Variants in MDH2 observed in about 807,000 individuals in gnomAD.
MDH2 encodes the protein malate dehydrogenase, mitochondrial.
A neutral mutation model predicts 33.6 loss-of-function variants in MDH2; 25 were observed. The ratio of observed to expected loss-of-function variants is 0.74; its 90% CI spans 0.54 to 1.04. The LOEUF (loss-of-function observed/expected upper bound fraction) is 1.04. Among genes scored for constraint, MDH2 ranks in the 50% least tolerant of loss-of-function variants. MDH2 has a pLI of 0.00. For missense variants in MDH2, 432 were observed against 445.0 expected, an observed-to-expected ratio of 0.97 and a Z score of 0.26; for synonymous variants, 193 against 188.7, an observed-to-expected ratio of 1.02 and a Z score of -0.19.
intron 1 of MDH2, among the ~76,000 whole-genome samples, chr7:76,051,791 A>G (rs782180748): frequency 6.6e-6 from 1 of 152,228 alleles, no homozygotes; most frequent in African/African-American, 2.4e-5. Context: ...CAGTGTTAAC[A>G]TATGTCGGTT....
At chr7:76,055,504 G>A (rs1392686511) in intron 2 of MDH2, among the ~76,000 whole-genome samples, 7 of 152,132 alleles carry the variant, frequency 4.6e-5, no homozygotes, top group South Asian at 2.1e-4. Flanking sequence ...GGGAGGCCAA[G>A]TCAGGAGGAT....
chr7:76,055,604 G>C lies in MDH2; in HGVS notation c.235+606G>C, dbSNP rs556997073. ...GTCCAAAAATTAGCTGGGCGTGATA[G>C]TGCACACCTGTGGTCCCAGCTACTT... On this transcript the variant is annotated intron_variant, in intron 2 of 8. Transcript: ENST00000315758. 5.3e-5 allele frequency among the ~76,000 whole-genome samples: 8 copies of C among 151,680 alleles called. No individual in the cohort carries two copies. In the East Asian group the frequency reaches 1.6e-3, roughly 30 times the overall value.
At chr7:76,054,587 G>A (rs1797715407) in intron 1 of MDH2, 2 of 494,640 alleles carry the variant, frequency 4.0e-6, no homozygotes, top group Non-Finnish European at 7.1e-6. Flanking sequence ...TCATCTTTCA[G>A]GAGGGTTTTG....
At position 76,048,200 on chromosome 7, in the gene MDH2, C is replaced by T; in HGVS notation, c.40C>T (p.Arg14Cys). ...ALARPASAAL[R>C]RSFSTSAQNN... ...CGCCCGGCCTGCCAGCGCTGCTCTC[C>T]GCCGCAGCTTCAGCACCTCGGCCCA... The change falls in exon 1 of 9, where the codon CGC becomes TGC. Residue 14 changes from arginine to cysteine, a missense_variant. By Grantham distance (180) the Arg-to-Cys change is radical (BLOSUM62 -3). Transcript: ENST00000315758. The T allele has an allele frequency of 6.5e-7, 1 of 1,536,426 alleles. No individual in the cohort carries two copies. The highest frequency in any genetic ancestry group is 8.7e-7 in the Non-Finnish European group (1 of 1,146,880).
intron 1 of MDH2, chr7:76,048,538 C>T: frequency 1.5e-6 from 2 of 1,318,022 alleles, no homozygotes; most frequent in Non-Finnish European, 1.9e-6. Flanking sequence ...GAAACCAGGG[C>T]TCTGCATCTG....
Position 76,049,697 on chromosome 7 carries a change from C to T in MDH2, c.66+1471C>T, listed in dbSNP as rs782618486. On this transcript the variant is annotated intron_variant, in intron 1 of 8. Coordinates refer to ENST00000315758, the MANE Select transcript of MDH2 (RefSeq NM_005918.4). ...TGGAAATACAGCGGTGAACAAAACA[C>T]AGAAGTCCCTGCTCTCACGGAAATT... is the stretch of plus-strand genomic sequence containing the variant. 7.2e-5 allele frequency among the ~76,000 whole-genome samples: 11 copies of T among 152,124 alleles called. No individual in the cohort carries two copies. The East Asian group carries it at 9.6e-4, about 13-fold the overall frequency.
At chr7:76,049,827 G>A (rs1797555095) in intron 1 of MDH2, among the ~76,000 whole-genome samples, 1 of 152,074 alleles carries the variant, frequency 6.6e-6, no homozygotes, top group African/African-American at 2.4e-5. Context: ...AGGGAAGAGG[G>A]TACCAATTTT....
At chr7:76,064,678 G>A in intron 7 of MDH2, 124 bp from the exon 8 acceptor site, 1 of 1,129,810 alleles carries the variant, frequency 8.9e-7, no homozygotes, top group East Asian at 2.6e-5. Flanking sequence ...AAGAAATCGG[G>A]GTGCTGACTG....
At chr7:76,049,636 C>T (rs1442901398) in intron 1 of MDH2, among the ~76,000 whole-genome samples, 1 of 151,888 alleles carries the variant, frequency 6.6e-6, no homozygotes, top group African/African-American at 2.4e-5. Context: ...TTTGGTAGGA[C>T]CTTCAGATAT....
rs374797940 is a variant in MDH2 at position 76,064,927 on chromosome 7, T to C, written c.859T>C (p.Tyr287His). ...FVKSQETECT[Y>H]FSTPLLLGKK... ...TAAGTCACAGGAAACGGAATGTACC[T>C]ACTTCTCCACACCGCTGCTGCTTGG... The change falls in exon 8 of 9, where the codon TAC (tyrosine) becomes CAC (histidine). Residue 287 changes from tyrosine (Y) to histidine (H), a missense_variant. Physicochemically the swap from Tyr to His is moderately conservative, Grantham distance 83. Transcript: ENST00000315758. 22 of 1,614,072 alleles carry C rather than the reference T, an allele frequency of 1.4e-5. No individual in the cohort carries two copies. Among genetic ancestry groups the C allele is most frequent in the Middle Eastern group, 1.6e-4 (1 of 6,084 alleles).
At chr7:76,051,318 A>ATTT (rs11342333) in intron 1 of MDH2, among the ~76,000 whole-genome samples, 1 of 129,810 alleles carries the variant, frequency 7.7e-6, no homozygotes, top group Non-Finnish European at 1.6e-5. Flanking sequence ...CAGACTTTGG[A>ATTT]TTTTTTTTTT....
intron 1 of MDH2, chr7:76,048,989 G>GGGT: frequency 3.5e-6 from 1 of 288,236 alleles, no homozygotes; most frequent in Non-Finnish European, 4.2e-6. Context: ...TGCGGGGGGG[G>GGGT]GGGGGGGGGT....
At chr7:76,062,760 T>TA in intron 5 of MDH2, among the ~76,000 whole-genome samples, 1 of 152,138 alleles carries the variant, frequency 6.6e-6, no homozygotes, top group South Asian at 2.1e-4. Flanking sequence ...ACAAAACATT[T>TA]AAAAAACATA....
At chr7:76,054,624 C>T in intron 1 of MDH2, 1 of 623,642 alleles carries the variant, frequency 1.6e-6, no homozygotes, top group Non-Finnish European at 2.8e-6. Flanking sequence ...ACAGACTCTA[C>T]AGACATAAAT....
intron 6 of MDH2, 111 bp downstream of exon 6, chr7:76,063,703 T>C: frequency 9.4e-7 from 1 of 1,060,474 alleles, no homozygotes. Context: ...TGCCAGGTTT[T>C]GGAAGGGCTC....
chr7:76,057,013 A>T (rs200034524), intron 2 of MDH2, among the ~76,000 whole-genome samples: 1 of 372 alleles, frequency 2.7e-3, no homozygotes, highest in Non-Finnish European at 0.05. Context: ...ACTCCCTCTC[A>T]AAAAAAAAAA....
In MDH2 at chr7:76,055,116, A is replaced by G. The variant is rs187496518; in HGVS notation, c.235+118A>G. 806 of 1,209,258 alleles carry G rather than the reference A, an allele frequency of 6.7e-4. 5 individuals carry two copies. In the African/African-American group the frequency reaches 0.011, roughly 17 times the overall value. The allele number at this position is 1,209,258 out of a possible 1,614,324, so 74.9% of individuals were successfully genotyped here. A position where few individuals can be genotyped will look rare whatever the true frequency, so the allele number is the denominator to read the frequency against. On this transcript the variant is annotated intron_variant, in intron 2 of 8. Transcript: ENST00000315758. Reference sequence around the variant, plus strand: ...TTAGAGACGGGGGTTTCTCTGTTTTAAATTTAAATTTTACAAGTGATTACA... The same window carrying G: ...TTAGAGACGGGGGTTTCTCTGTTTTGAATTTAAATTTTACAAGTGATTACA...
intron 7 of MDH2, 137 bp downstream of exon 7, chr7:76,064,575 C>A: frequency 1.0e-6 from 1 of 965,580 alleles, no homozygotes. Flanking sequence ...TGGAAAATCC[C>A]TGTGTGAGAG....
intron 6 of MDH2, among the ~76,000 whole-genome samples, 190 bp from the exon 7 acceptor site, chr7:76,064,149 C>T (rs782170391): frequency 5.3e-5 from 8 of 152,098 alleles, no homozygotes; most frequent in Admixed American, 6.5e-5. Flanking sequence ...CAGGGCTACC[C>T]CATAGGCAGT....
Sources: gnomAD v4.1 joint callset for allele counts (sites outside exome capture counted in the v4.1 genomes callset) on GRCh38, gnomAD v4.1.1 for gene constraint, MANE v1.5 for transcripts, NCBI Gene and HGNC (gene_info 2026-07-23, HGNC 2026-07-21) for gene names.